STAU2: variants seen among roughly 807,000 people sequenced by gnomAD.
STAU2 encodes the protein double-stranded RNA-binding protein Staufen homolog 2.
A neutral mutation model predicts 65.9 loss-of-function variants in STAU2; 20 were observed. The observed-to-expected ratio is 0.30, with a 90% CI of 0.21 to 0.44. The LOEUF (loss-of-function observed/expected upper bound fraction) is 0.44, where lower values mean the gene tolerates loss of function less well. STAU2 is among the 20% of genes least tolerant of loss of function. The pLI, the probability that STAU2 is intolerant of heterozygous loss-of-function variation, is 1.00. For missense variants in STAU2, 558 were observed against 683.9 expected (o/e 0.82, Z 2.05); for synonymous variants, 232 against 233.9 (o/e 0.99, Z 0.07).
At chr8:73,496,169 T>C (rs1563625574) in intron 13 of STAU2, among the ~76,000 whole-genome samples, 2 of 151,470 alleles carry the variant, frequency 1.3e-5, no homozygotes, top group Non-Finnish European at 1.5e-5. Flanking sequence ...GTATTCACTA[T>C]AAAATTCTGT....
At chr8:73,512,059 A>G (rs1822437284) in intron 13 of STAU2, among the ~76,000 whole-genome samples, 1 of 152,236 alleles carries the variant, frequency 6.6e-6, no homozygotes, top group African/African-American at 2.4e-5. Flanking sequence ...AAATTGATCA[A>G]AAATAAATAT....
chr8:73,422,742 C>T (rs1816475221), intron 13 of STAU2, 40 bp from the exon 14 acceptor site: 1 of 1,312,656 alleles, frequency 7.6e-7, no homozygotes, highest in Non-Finnish European at 1.0e-6. Context: ...TTCACTGACT[C>T]TAGTGTAATG....
At chr8:73,558,944 T>A (rs1242698118) in intron 12 of STAU2, among the ~76,000 whole-genome samples, 1 of 152,172 alleles carries the variant, frequency 6.6e-6, no homozygotes, top group African/African-American at 2.4e-5. Context: ...TTTTTCACAA[T>A]AAAAAATTAT....
chr8:73,717,250 T>C (rs10112949), intron 3 of STAU2, among the ~76,000 whole-genome samples: 10,747 of 152,276 alleles, frequency 0.071, 416 homozygotes, highest in Middle Eastern at 0.14. Context: ...CTTTATTCTC[T>C]TACCAGTGTC....
intron 13 of STAU2, among the ~76,000 whole-genome samples, chr8:73,468,548 T>C (rs1030999871): frequency 6.6e-6 from 1 of 152,118 alleles, no homozygotes; most frequent in African/African-American, 2.4e-5. Flanking sequence ...ATTTTTGCAA[T>C]CTACTCATCT....
At chr8:73,740,951 G>A (rs184822990) in intron 1 of STAU2, among the ~76,000 whole-genome samples, 4 of 148,074 alleles carry the variant, frequency 2.7e-5, no homozygotes, top group African/African-American at 1.0e-4. Flanking sequence ...GTTGCAGTGA[G>A]CCAAGATCAT....
At chr8:73,472,112 G>A (rs1325355569) in intron 13 of STAU2, among the ~76,000 whole-genome samples, 1 of 152,180 alleles carries the variant, frequency 6.6e-6, no homozygotes, top group African/African-American at 2.4e-5. Context: ...TGATAGGACA[G>A]GGCGGTAGTG....
intron 11 of STAU2, among the ~76,000 whole-genome samples, chr8:73,592,172 T>C (rs1048714893): frequency 2.6e-5 from 4 of 151,624 alleles, no homozygotes; most frequent in Non-Finnish European, 4.4e-5. Context: ...AACTAAAACC[T>C]AATTGTTTGA....
intron 12 of STAU2, among the ~76,000 whole-genome samples, chr8:73,578,746 T>G (rs1809766391): frequency 6.6e-6 from 1 of 152,186 alleles, no homozygotes; most frequent in Non-Finnish European, 1.5e-5. Context: ...CATTCTTACA[T>G]TTCTAACACA....
chr8:73,490,634 A>G (rs1363655578), intron 13 of STAU2, among the ~76,000 whole-genome samples: 2 of 152,056 alleles, frequency 1.3e-5, no homozygotes, highest in Non-Finnish European at 2.9e-5. Flanking sequence ...GTATAGCTCT[A>G]TTCAAACAAT....
chr8:73,496,395 T>C (rs1453045713), intron 13 of STAU2, among the ~76,000 whole-genome samples: 1 of 151,694 alleles, frequency 6.6e-6, no homozygotes, highest in Non-Finnish European at 1.5e-5. Context: ...TATGTGTCTG[T>C]GTGTTGTAAC....
intron 13 of STAU2, among the ~76,000 whole-genome samples, chr8:73,478,831 T>C (rs1488761739): frequency 6.6e-6 from 1 of 152,150 alleles, no homozygotes; most frequent in Non-Finnish European, 1.5e-5. Context: ...CCAAAGCCTA[T>C]AGACAGGTGG....
At chr8:73,722,686 G>A (rs1192654195) in intron 3 of STAU2, among the ~76,000 whole-genome samples, 3 of 151,928 alleles carry the variant, frequency 2.0e-5, no homozygotes, top group Non-Finnish European at 2.9e-5. Flanking sequence ...CTGCTTTTCA[G>A]ATTTTCTCTT....
At chr8:73,452,567 C>T (rs1276833916) in intron 13 of STAU2, among the ~76,000 whole-genome samples, 4 of 152,218 alleles carry the variant, frequency 2.6e-5, no homozygotes, top group Non-Finnish European at 4.4e-5. Context: ...CTGTGCTCTT[C>T]CCTCTCCTTC....
At chr8:73,617,580 AC>A (rs1812922619) in intron 6 of STAU2, 129 bp from the exon 7 acceptor site, 1 of 888,764 alleles carries the variant, frequency 1.1e-6, no homozygotes, top group African/African-American at 1.7e-5. Flanking sequence ...AACCTCAAAA[AC>A]ATACTTTTTT....
chr8:73,651,456 A>G, intron 6 of STAU2: 1 of 675,420 alleles, frequency 1.5e-6, no homozygotes. Context: ...CACGAACGGC[A>G]AATGCAGGAC....
At chr8:73,738,401 G>T (rs1170408906) in intron 2 of STAU2, 52 bp from the exon 3 acceptor site, 33 of 1,324,516 alleles carry the variant, frequency 2.5e-5, no homozygotes, top group Non-Finnish European at 2.8e-5. Flanking sequence ...TAACCTCAAT[G>T]ACTGGTATTT....
chr8:73,716,652 T>C, intron 3 of STAU2, among the ~76,000 whole-genome samples: 1 of 141,276 alleles, frequency 7.1e-6, no homozygotes, highest in Non-Finnish European at 1.5e-5. Context: ...TAATGAATAC[T>C]GTTAATTAAC....
Position 73,687,337 on chromosome 8 carries a change from T to TTTATATTTATATTTATTATATAAA in STAU2, c.274+1316_274+1317insTTTATATAATAAATATAAATATAA, listed in dbSNP as rs1563506804. Among the ~76,000 whole-genome samples the TTTATATTTATATTTATTATATAAA allele has an allele frequency of 2.0e-5, 2 of 100,904 alleles. 1 individual carries two copies. Among genetic ancestry groups the TTTATATTTATATTTATTATATAAA allele is most frequent in the Non-Finnish European group, 3.6e-5 (2 of 54,904 alleles). 66.2% of individuals were successfully genotyped at this position (100,904 alleles called of 152,430 possible). On this transcript the variant is annotated intron_variant, in intron 5 of 14. Transcript: ENST00000524300. ...TTTATATTTATATTTATAAATATAA[T>TTTATATTTATATTTATTATATAAA]TTATATTTATAATTTATATAATATA...
Sources: gnomAD v4.1 joint callset for allele counts (sites outside exome capture counted in the v4.1 genomes callset) on GRCh38, gnomAD v4.1.1 for gene constraint, MANE v1.5 for transcripts, NCBI Gene and HGNC (gene_info 2026-07-23, HGNC 2026-07-21) for gene names.